Variants in PTPRD observed in about 807,000 individuals in gnomAD.
PTPRD encodes the protein protein tyrosine phosphatase receptor type D, also known as receptor-type tyrosine-protein phosphatase delta.
In PTPRD, 34 loss-of-function variants were observed where a neutral mutation model predicts 214.5. The observed-to-expected ratio is 0.16, with a 90% CI of 0.12 to 0.21. The LOEUF (loss-of-function observed/expected upper bound fraction) is 0.21. Ranked by LOEUF, PTPRD falls within the 10% of genes least tolerant of loss-of-function variation. The probability of loss-of-function intolerance (pLI) is 1.00; values close to 1 mark genes in which losing one functional copy is unlikely to be tolerated. For missense variants in PTPRD, 2,545 were observed against 2,398.7 expected (o/e 1.06, Z -1.27); for synonymous variants, 1,128 against 845.7 (o/e 1.33, Z -5.79).
At chr9:8,337,343 C>T (rs1847926510) in intron 43 of PTPRD, among the ~76,000 whole-genome samples, 1 of 152,034 alleles carries the variant, frequency 6.6e-6, no homozygotes, top group Non-Finnish European at 1.5e-5. Context: ...TCATTCTCAG[C>T]AAACTAACAC....
rs1183707327 is a variant in PTPRD, at chr9:9,183,174, A to G, written c.-143+130T>C. On this transcript the variant is annotated intron_variant, in intron 10 of 45. Transcript: ENST00000381196. ...TAACTCAATATTAGGTAAACAGAGT[A>G]AAATGTTTGAGTATTTTATCCATCC... is the stretch of plus-strand genomic sequence containing the variant. 4 of 152,020 alleles carry G rather than the reference A, an allele frequency of 2.6e-5. 1 individual carries two copies. In the South Asian group the frequency reaches 6.2e-4, roughly 24 times the overall value. The allele number at this position is 152,020 out of a possible 1,614,324, so 9.4% of individuals were successfully genotyped here.
intron 2 of PTPRD, among the ~76,000 whole-genome samples, chr9:10,574,265 A>T (rs2068426930): frequency 6.6e-6 from 1 of 151,882 alleles, no homozygotes; most frequent in African/African-American, 2.4e-5. Flanking sequence ...TCTGCCCTCC[A>T]ATCTTATTTT....
chr9:10,402,928 A>G (rs1587365421), intron 2 of PTPRD, among the ~76,000 whole-genome samples: 2 of 151,576 alleles, frequency 1.3e-5, no homozygotes, highest in South Asian at 2.1e-4. Flanking sequence ...ATCTGTTTGA[A>G]TTGGTGTGCT....
intron 11 of PTPRD, among the ~76,000 whole-genome samples, chr9:8,831,126 C>T (rs1049795694): frequency 2.0e-5 from 3 of 152,060 alleles, no homozygotes; most frequent in Admixed American, 1.3e-4. Flanking sequence ...GACTGAGACT[C>T]AGGAAAAGGG....
At chr9:8,369,213 T>G (rs1432613323) in intron 39 of PTPRD, among the ~76,000 whole-genome samples, 1 of 152,144 alleles carries the variant, frequency 6.6e-6, no homozygotes, top group African/African-American at 2.4e-5. Context: ...TAAACAATTT[T>G]CCACAGCACT....
rs902496917 is a variant in PTPRD, at chr9:8,359,369, G to A, written c.4661+16567C>T. Among the ~76,000 whole-genome samples, 3 of 151,844 alleles carry A rather than the reference G, an allele frequency of 2.0e-5. No homozygotes were observed. The East Asian group carries it at 5.8e-4, about 30-fold the overall frequency. On this transcript the variant is annotated intron_variant, in intron 39 of 45. Coordinates refer to ENST00000381196, the MANE Select transcript of PTPRD (RefSeq NM_002839.4). ...AGACTGAGCCTCGCTCTGTTGCCCAGGCTGGAGTGCAGTGGTACAATCTCA... is the reference window on the plus strand; with the variant it reads ...AGACTGAGCCTCGCTCTGTTGCCCAAGCTGGAGTGCAGTGGTACAATCTCA...
At chr9:9,994,032 G>T (rs2096042238) in intron 4 of PTPRD, among the ~76,000 whole-genome samples, 1 of 152,048 alleles carries the variant, frequency 6.6e-6, no homozygotes, top group Non-Finnish European at 1.5e-5. Context: ...TTGAGTGGGG[G>T]ACAATTTATC....
intron 7 of PTPRD, among the ~76,000 whole-genome samples, chr9:9,625,352 A>G (rs1198898735): frequency 6.6e-6 from 1 of 152,126 alleles, no homozygotes; most frequent in Non-Finnish European, 1.5e-5. Flanking sequence ...AAGTGTGAAT[A>G]CCTGTAAGCT....
intron 6 of PTPRD, among the ~76,000 whole-genome samples, chr9:9,750,046 T>A (rs2098501403): frequency 6.6e-6 from 1 of 152,106 alleles, no homozygotes; most frequent in Non-Finnish European, 1.5e-5. Flanking sequence ...TGAAAACAAC[T>A]ACGAAAAATA....
chr9:9,023,834 T>A (rs968493441), intron 10 of PTPRD, among the ~76,000 whole-genome samples: 3 of 152,104 alleles, frequency 2.0e-5, no homozygotes, highest in African/African-American at 7.2e-5. Context: ...GCAAAGGACA[T>A]GATTATTTTA....
chr9:10,350,016 G>A (rs970242410), intron 2 of PTPRD, among the ~76,000 whole-genome samples: 9 of 152,308 alleles, frequency 5.9e-5, no homozygotes, highest in African/African-American at 1.7e-4. Context: ...TATCAAGGCA[G>A]CTGGATTGGT....
At chr9:9,750,554 G>T (rs970387791) in intron 6 of PTPRD, among the ~76,000 whole-genome samples, 7 of 152,188 alleles carry the variant, frequency 4.6e-5, no homozygotes, top group African/African-American at 1.7e-4. Context: ...TTAAAGCAAA[G>T]GGTGAGCCCA....
At chr9:9,268,099 T>C (rs115726371) in intron 9 of PTPRD, among the ~76,000 whole-genome samples, 1,676 of 151,110 alleles carry the variant, frequency 0.011, 39 homozygotes, top group African/African-American at 0.038. Context: ...TTTGATGATA[T>C]AATCTTATAT....
At chr9:8,492,127 T>C (rs1406751865) in intron 27 of PTPRD, among the ~76,000 whole-genome samples, 1 of 152,220 alleles carries the variant, frequency 6.6e-6, no homozygotes, top group Non-Finnish European at 1.5e-5. Flanking sequence ...TTGCTTTTCT[T>C]CTTTTTCTTT....
intron 5 of PTPRD, among the ~76,000 whole-genome samples, chr9:9,919,286 CTG>C (rs1419208327): frequency 6.6e-6 from 1 of 152,132 alleles, no homozygotes; most frequent in African/African-American, 2.4e-5. Flanking sequence ...AGTCATCTCT[CTG>C]AGTCAATTCC....
chr9:9,945,391 C>G (rs1021945200), intron 4 of PTPRD, among the ~76,000 whole-genome samples: 3 of 152,058 alleles, frequency 2.0e-5, no homozygotes, highest in African/African-American at 7.2e-5. Context: ...GAAAAGAAGA[C>G]TAAAGCCTTG....
chr9:8,605,936 T>A (rs2095182942), intron 14 of PTPRD, among the ~76,000 whole-genome samples: 1 of 152,128 alleles, frequency 6.6e-6, no homozygotes, highest in Admixed American at 6.6e-5. Context: ...GTCCTTTGGG[T>A]TTTTTTGTTT....
rs538280754 is a variant in PTPRD, at chr9:10,576,569, A to G, written c.-600+35829T>C. 1.2e-4 allele frequency among the ~76,000 whole-genome samples: 19 copies of G among 152,222 alleles called. No homozygotes were observed. The East Asian group carries it at 3.3e-3, about 26-fold the overall frequency. The stretch of plus-strand genomic sequence containing the variant: ...AGAGCATGGCGGACTCACCTCTTAG[A>G]CTAGGCTACATTTGATAAAGGTTGA... On this transcript the variant is annotated intron_variant, in intron 2 of 45. Coordinates refer to ENST00000381196, the MANE Select transcript of PTPRD (RefSeq NM_002839.4).
Position 9,890,913 on chromosome 9 carries a change from G to A in PTPRD, c.-368+47594C>T, listed in dbSNP as rs1171983624. 2.0e-5 allele frequency among the ~76,000 whole-genome samples: 3 copies of A among 152,096 alleles called. No individual in the cohort carries two copies. In the South Asian group the frequency reaches 6.2e-4, roughly 31 times the overall value. On this transcript the variant is annotated intron_variant, in intron 5 of 45. Coordinates refer to ENST00000381196, the MANE Select transcript of PTPRD (RefSeq NM_002839.4). ...AAATTGATTTTGCATAAGACCATCAGAGTAGCTGAATCTAAATTACATTGA... is the reference window on the plus strand; with the variant it reads ...AAATTGATTTTGCATAAGACCATCAAAGTAGCTGAATCTAAATTACATTGA...
Sources: allele counts gnomAD v4.1 joint callset (sites outside exome capture counted in the v4.1 genomes callset), GRCh38; gene constraint gnomAD v4.1.1; transcripts MANE v1.5; gene names NCBI Gene and HGNC (gene_info 2026-07-23, HGNC 2026-07-21).